The following PCDH15 variants were observed in gnomAD, a reference collection of about 807,000 sequenced individuals.
PCDH15 encodes the protein protocadherin-15.
PCDH15 carries 129 observed loss-of-function variants against 178.5 expected under a neutral mutation model. The ratio of observed to expected loss-of-function variants is 0.72; its 90% CI spans 0.63 to 0.84. PCDH15 has a LOEUF of 0.84. Ranked by LOEUF, PCDH15 falls within the 40% of genes least tolerant of loss-of-function variation. The probability of loss-of-function intolerance (pLI) is 0.00; values close to 1 mark genes in which losing one functional copy is unlikely to be tolerated. For synonymous variants in PCDH15, 800 were observed against 732.0 expected (o/e 1.09, Z -1.50); for missense variants, 2,230 against 2,099.9 (o/e 1.06, Z -1.21).
intron 2 of PCDH15, among the ~76,000 whole-genome samples, chr10:55,048,266 ATACTT>A (rs201354665): frequency 0.016 from 2,360 of 152,000 alleles, 66 homozygotes; most frequent in African/African-American, 0.054. Context: ...AGTCCAGTAA[ATACTT>A]TAAGAAAAAA....
At chr10:54,990,984 T>A (rs1455370707) in intron 2 of PCDH15, among the ~76,000 whole-genome samples, 1 of 152,106 alleles carries the variant, frequency 6.6e-6, no homozygotes, top group Non-Finnish European at 1.5e-5. Flanking sequence ...AAAACAATTC[T>A]AATTCCTAGT....
intron 18 of PCDH15, among the ~76,000 whole-genome samples, chr10:54,048,189 G>C (rs2093694272): frequency 6.6e-6 from 1 of 151,910 alleles, no homozygotes; most frequent in Non-Finnish European, 1.5e-5. Context: ...TTTGTTTGTT[G>C]GCTGCTTGTA....
chr10:54,067,221 C>G (rs1172646931), intron 17 of PCDH15, among the ~76,000 whole-genome samples: 1 of 152,118 alleles, frequency 6.6e-6, no homozygotes, highest in Admixed American at 6.6e-5. Context: ...CACACGTACA[C>G]TGCTTTATCT....
intron 2 of PCDH15, among the ~76,000 whole-genome samples, chr10:54,917,901 T>TACTA (rs1837381696): frequency 6.6e-6 from 1 of 152,180 alleles, no homozygotes; most frequent in Non-Finnish European, 1.5e-5. Flanking sequence ...AGGATATCAA[T>TACTA]ACTAATTATC....
intron 8 of PCDH15, among the ~76,000 whole-genome samples, chr10:54,307,104 G>GTATATATATATATATATA (rs1170885233): frequency 3.8e-5 from 1 of 26,580 alleles, no homozygotes; most frequent in African/African-American, 1.7e-4. Context: ...GTGTGTGTGT[G>GTATATATATATATATATA]TATATATATA....
intron 2 of PCDH15, among the ~76,000 whole-genome samples, chr10:55,049,565 A>C (rs941512468): frequency 1.3e-5 from 2 of 151,610 alleles, no homozygotes; most frequent in Admixed American, 1.3e-4. Context: ...TGAATAGAGA[A>C]CTCTTTCATT....
chr10:54,495,462 C>T (rs750184179), intron 3 of PCDH15, among the ~76,000 whole-genome samples: 9 of 152,000 alleles, frequency 5.9e-5, no homozygotes, highest in Non-Finnish European at 1.3e-4. Flanking sequence ...ACATAGAACT[C>T]GATCCATAAT....
At chr10:53,846,299 CACTTT>C (rs1400208333) in intron 28 of PCDH15, among the ~76,000 whole-genome samples, 1 of 151,742 alleles carries the variant, frequency 6.6e-6, no homozygotes, top group East Asian at 1.9e-4. Context: ...TATATTGTTC[CACTTT>C]ACTTTGAATG....
At chr10:54,698,255 T>C (rs1239581542) in intron 1 of PCDH15, among the ~76,000 whole-genome samples, 1 of 152,134 alleles carries the variant, frequency 6.6e-6, no homozygotes, top group Non-Finnish European at 1.5e-5. Flanking sequence ...ACAAGCTAAT[T>C]TGAAGTATTG....
intron 20 of PCDH15, among the ~76,000 whole-genome samples, chr10:54,012,223 A>G (rs1049926170): frequency 6.6e-6 from 1 of 152,126 alleles, no homozygotes; most frequent in Non-Finnish European, 1.5e-5. Flanking sequence ...ACTAACTAAG[A>G]AGGACAAAAG....
intron 8 of PCDH15, among the ~76,000 whole-genome samples, chr10:54,256,984 C>A (rs532732440): frequency 6.6e-6 from 1 of 152,018 alleles, no homozygotes; most frequent in African/African-American, 2.4e-5. Flanking sequence ...AAAACATTGT[C>A]CTGCACTAAA....
At chr10:54,261,657 T>TCAA (rs1376789464) in intron 8 of PCDH15, among the ~76,000 whole-genome samples, 8 of 77,204 alleles carry the variant, frequency 1.0e-4, no homozygotes, top group African/African-American at 3.4e-4. Flanking sequence ...TATTCTATTC[T>TCAA]TAACACACAT....
At chr10:55,498,632 T>C (rs1215434470) in intron 2 of PCDH15, among the ~76,000 whole-genome samples, 1 of 151,906 alleles carries the variant, frequency 6.6e-6, no homozygotes, top group African/African-American at 2.4e-5. Flanking sequence ...GTATGAAATA[T>C]GCTCAGTACT....
chr10:54,970,628 A>G (rs924900225), intron 2 of PCDH15, among the ~76,000 whole-genome samples: 10 of 146,804 alleles, frequency 6.8e-5, no homozygotes, highest in Admixed American at 4.1e-4. Flanking sequence ...TAAAAAAACT[A>G]TAAGTTTTAA....
intron 2 of PCDH15, among the ~76,000 whole-genome samples, chr10:54,534,079 TAGAAGAGTGTCTGGCAAAATGTATAGAC>T (rs1300865483): frequency 6.6e-6 from 1 of 152,206 alleles, no homozygotes; most frequent in Non-Finnish European, 1.5e-5. Context: ...GGTAATTTCT[TAGAAGAGTGTCTGGCAAAATGTATAGAC>T]AGACTAGGCC....
At chr10:53,903,464 A>G in intron 25 of PCDH15, 94 bp from the exon 26 acceptor site, 4 of 1,469,946 alleles carry the variant, frequency 2.7e-6, no homozygotes, top group Non-Finnish European at 3.8e-6. Flanking sequence ...TTTTTTGGAA[A>G]CATTGAAAAT....
chr10:54,784,251 T>A (rs1292826485), intron 1 of PCDH15, among the ~76,000 whole-genome samples: 1 of 151,550 alleles, frequency 6.6e-6, no homozygotes, highest in Non-Finnish European at 1.5e-5. Flanking sequence ...AATTTATCCA[T>A]GTAATCAAAG....
chr10:55,151,857 T>C (rs1403444209), intron 2 of PCDH15, among the ~76,000 whole-genome samples: 2 of 152,034 alleles, frequency 1.3e-5, no homozygotes, highest in African/African-American at 4.8e-5. Flanking sequence ...ATGACACATG[T>C]AAATAGATGA....
intron 18 of PCDH15, among the ~76,000 whole-genome samples, chr10:54,044,938 A>G (rs1402956138): frequency 2.0e-5 from 3 of 152,134 alleles, no homozygotes; most frequent in Non-Finnish European, 4.4e-5. Flanking sequence ...CATAACATCA[A>G]TTCCAACCAA....
Sources: gnomAD v4.1 joint callset for allele counts (sites outside exome capture counted in the v4.1 genomes callset) on GRCh38, gnomAD v4.1.1 for gene constraint, MANE v1.5 for transcripts, NCBI Gene and HGNC (gene_info 2026-07-23, HGNC 2026-07-21) for gene names.